LRP2: variants seen among roughly 807,000 people sequenced by gnomAD.
The protein encoded by LRP2 is LDL receptor related protein 2.
In LRP2, 172 loss-of-function variants were observed where a neutral mutation model predicts 531.0. The observed-to-expected ratio is 0.32, with a 90% CI of 0.29 to 0.37. The LOEUF (loss-of-function observed/expected upper bound fraction) is 0.37. LRP2 is among the 10% of genes least tolerant of loss of function. The probability of loss-of-function intolerance (pLI) is 1.00; values close to 1 mark genes in which losing one functional copy is unlikely to be tolerated. For missense variants in LRP2, 5,167 were observed against 5,868.3 expected (o/e 0.88, Z 3.90); for synonymous variants, 1,992 against 2,027.6 (o/e 0.98, Z 0.47).
intron 1 of LRP2, among the ~76,000 whole-genome samples, chr2:169,328,299 C>A (rs4514847): frequency 9.1e-6 from 1 of 109,644 alleles, no homozygotes; most frequent in African/African-American, 2.8e-5. Context: ...GGGGGTCAGC[C>A]CCCCGCCCGG....
At chr2:169,187,869 T>A (rs62172602) in intron 49 of LRP2, 101 bp downstream of exon 49, 34,767 of 1,261,300 alleles carry the variant, frequency 0.028, 578 homozygotes, top group Admixed American at 0.031. Flanking sequence ...TATGGTAACT[T>A]TGTAGTTAGA....
chr2:169,327,330 C>T (rs1685109878), intron 1 of LRP2, among the ~76,000 whole-genome samples: 2 of 129,744 alleles, frequency 1.5e-5, no homozygotes, highest in African/African-American at 5.8e-5. Flanking sequence ...GCCCCCCGCC[C>T]GGCCAGCCGC....
chr2:169,358,509 G>C (rs1686052446), intron 1 of LRP2, among the ~76,000 whole-genome samples: 1 of 152,184 alleles, frequency 6.6e-6, no homozygotes, highest in Non-Finnish European at 1.5e-5. Context: ...TTCAAGTAGA[G>C]AAAGAGAAGC....
chr2:169,235,986 T>TG lies in LRP2; in HGVS notation c.4773dup (p.Ile1592HisfsTer15). 6.2e-7 allele frequency: 1 copy of TG among 1,614,184 alleles called. No individual in the cohort carries two copies. On this transcript the variant is annotated frameshift_variant, in exon 29 of 79. Coordinates refer to ENST00000649046, the MANE Select transcript of LRP2 (RefSeq NM_004525.3). LOFTEE classifies it high-confidence loss of function. ...GGCCAGAAGATCTTGTCCTGGACAA[T>TG]GACAGTGCGCATGCTGCCGTCCATG... is the stretch of plus-strand genomic sequence containing the variant.
In LRP2 at chr2:169,162,654, ACTTC is replaced by A. The variant is rs1228496072; in HGVS notation, c.11759-58_11759-55del. The A allele has an allele frequency of 1.6e-5, 25 of 1,566,356 alleles. No individual in the cohort carries two copies. In the African/African-American group the frequency reaches 3.0e-4, roughly 19 times the overall value. On this transcript the variant is annotated intron_variant, in intron 62 of 78. Transcript: ENST00000649046. The stretch of plus-strand genomic sequence containing the variant: ...AACTTTTTCTTTTATGAAGCAAGAT[ACTTC>A]CTTCTTTGACAGAGACAGTTTGTGC...
intron 1 of LRP2, among the ~76,000 whole-genome samples, chr2:169,339,086 T>G (rs1236267796): frequency 6.7e-6 from 1 of 149,492 alleles, no homozygotes; most frequent in African/African-American, 2.5e-5. Flanking sequence ...CCAAATATTG[T>G]CTCCCTCTCA....
At chr2:169,130,380 C>T (rs1382010370) in intron 77 of LRP2, among the ~76,000 whole-genome samples, 2 of 151,770 alleles carry the variant, frequency 1.3e-5, no homozygotes, top group South Asian at 2.1e-4. Flanking sequence ...CTCTGCCTCC[C>T]GGGTTCAAGC....
At position 169,289,151 on chromosome 2, in the gene LRP2, C is replaced by G. The variant is rs144147038; in HGVS notation, c.923-6G>C. On this transcript the variant is annotated splice_polypyrimidine_tract_variant and splice_region_variant and intron_variant, in intron 8 of 78. Transcript: ENST00000649046. ...GGCAGAGCACAGAGTCATACCTAAA[C>G]GAAGAAAAGAACTTTGTTAAATGAA... The G allele has an allele frequency of 6.2e-7, 1 of 1,613,824 alleles. No individual in the cohort carries two copies. The highest frequency in any genetic ancestry group is 8.5e-7 in the Non-Finnish European group (1 of 1,179,830).
intron 25 of LRP2, among the ~76,000 whole-genome samples, chr2:169,240,101 T>C (rs555659343): frequency 7.2e-6 from 1 of 139,294 alleles, no homozygotes; most frequent in Non-Finnish European, 1.6e-5. Context: ...TGATAGAGCA[T>C]GCAAAGACAC....
chr2:169,328,157 G>A (rs1685159561), intron 1 of LRP2, among the ~76,000 whole-genome samples: 2 of 141,478 alleles, frequency 1.4e-5, no homozygotes, highest in Non-Finnish European at 3.1e-5. Context: ...GAGCCCCTCT[G>A]CCGGGCCAGC....
At chr2:169,324,253 C>G (rs1684984078) in intron 1 of LRP2, among the ~76,000 whole-genome samples, 1 of 152,184 alleles carries the variant, frequency 6.6e-6, no homozygotes, top group Non-Finnish European at 1.5e-5. Flanking sequence ...TTGAATCTGA[C>G]AGCTCTGATT....
chr2:169,135,890 G>C (rs957516478), intron 76 of LRP2, among the ~76,000 whole-genome samples: 1 of 152,032 alleles, frequency 6.6e-6, no homozygotes, highest in Admixed American at 6.6e-5. Context: ...CCCTGCTCTT[G>C]TTTATACCAC....
chr2:169,192,135 T>C, intron 47 of LRP2, 102 bp from the exon 48 acceptor site: 1 of 804,644 alleles, frequency 1.2e-6, no homozygotes, highest in Non-Finnish European at 1.9e-6. Flanking sequence ...TGAAAGGAAA[T>C]GGGAGGAAAA....
At chr2:169,203,927 A>G (rs1688287353) in intron 42 of LRP2, 55 bp downstream of exon 42, 3 of 1,579,530 alleles carry the variant, frequency 1.9e-6, no homozygotes, top group South Asian at 2.2e-5. Context: ...TTCCTTACCA[A>G]TTGGTATTGT....
intron 76 of LRP2, among the ~76,000 whole-genome samples, chr2:169,137,126 C>A (rs184703019): frequency 4.6e-5 from 7 of 152,366 alleles, no homozygotes; most frequent in Non-Finnish European, 1.0e-4. Context: ...TGCTCTGACA[C>A]CACTCAAAAT....
At chr2:169,166,476 G>A (rs1231617250) in intron 61 of LRP2, among the ~76,000 whole-genome samples, 6 of 152,162 alleles carry the variant, frequency 3.9e-5, no homozygotes, top group Admixed American at 6.5e-5. Context: ...AGCATGGATC[G>A]TGGAGCACAA....
At chr2:169,160,685 A>AAAAAAAAAAAGAAAAAAAAAAC (rs970862922) in intron 63 of LRP2, among the ~76,000 whole-genome samples, 1 of 94,234 alleles carries the variant, frequency 1.1e-5, no homozygotes, top group Non-Finnish European at 2.2e-5. Context: ...ATTTCCTTAA[A>AAAAAAAAAAAGAAAAAAAAAAC]AAAAAAAAAA....
intron 12 of LRP2, 96 bp downstream of exon 12, chr2:169,279,276 G>T: frequency 1.1e-6 from 1 of 914,058 alleles, no homozygotes; most frequent in Non-Finnish European, 1.8e-6. Flanking sequence ...AAAGAAATCA[G>T]AATGAGCCTT....
intron 1 of LRP2, among the ~76,000 whole-genome samples, chr2:169,352,817 CAG>C (rs765211106): frequency 4.0e-5 from 6 of 149,926 alleles, no homozygotes; most frequent in Admixed American, 2.0e-4. Flanking sequence ...CACATGGTCA[CAG>C]GGGGGGGAAC....
Sources: gnomAD v4.1 joint callset for allele counts (sites outside exome capture counted in the v4.1 genomes callset) on GRCh38, gnomAD v4.1.1 for gene constraint, MANE v1.5 for transcripts, NCBI Gene and HGNC (gene_info 2026-07-23, HGNC 2026-07-21) for gene names.